Variants in DNAH2 observed in about 807,000 individuals in gnomAD.
The protein encoded by DNAH2 is dynein axonemal heavy chain 2.
DNAH2 carries 323 observed loss-of-function variants against 523.5 expected under a neutral mutation model. The ratio of observed to expected loss-of-function variants is 0.62; its 90% CI spans 0.56 to 0.68. DNAH2 has a LOEUF of 0.68. Ranked by LOEUF, DNAH2 falls within the 30% of genes least tolerant of loss-of-function variation. The probability of loss-of-function intolerance (pLI) is 0.00; values close to 1 mark genes in which losing one functional copy is unlikely to be tolerated. For synonymous variants in DNAH2, 2,093 were observed against 2,177.4 expected, an observed-to-expected ratio of 0.96 and a Z score of 1.08; for missense variants, 4,907 against 5,701.5, an observed-to-expected ratio of 0.86 and a Z score of 4.49.
At chr17:7,811,272 C>T (rs1243651225) in intron 63 of DNAH2, among the ~76,000 whole-genome samples, 1 of 152,158 alleles carries the variant, frequency 6.6e-6, no homozygotes, top group East Asian at 1.9e-4. Context: ...ACAGAAATTC[C>T]ACAAATTTGA....
chr17:7,832,341 C>G lies in DNAH2; in HGVS notation c.12727-238C>G, dbSNP rs755502737. On this transcript the variant is annotated intron_variant, in intron 82 of 85. Transcript: ENST00000572933. The surrounding 1 kb of genome is among the most constrained non-coding windows in gnomAD (Gnocchi z 4.3). ...TGGTCAACATGGTGAAACCCCGTCTCTACTAAAAAAATACAAAAATTAGCC... is the reference window on the plus strand; with the variant it reads ...TGGTCAACATGGTGAAACCCCGTCTGTACTAAAAAAATACAAAAATTAGCC... Among the ~76,000 whole-genome samples, 11 of 152,002 alleles carry G rather than the reference C, an allele frequency of 7.2e-5. No homozygotes were observed. The highest frequency in any genetic ancestry group is 1.5e-4 in the Non-Finnish European group (10 of 68,020).
intron 44 of DNAH2, among the ~76,000 whole-genome samples, chr17:7,789,156 A>C (rs965121811): frequency 1.4e-5 from 2 of 139,638 alleles, no homozygotes; most frequent in Non-Finnish European, 3.2e-5. Context: ...ACAGAGCAAG[A>C]CTCTGTCTCA....
At position 7,760,929 on chromosome 17, in the gene DNAH2, C is replaced by T. The variant is rs769401236; in HGVS notation, c.2975C>T (p.Ala992Val). Residue 992 changes from alanine (A) to valine (V), a missense_variant, in exon 18 of 86, where the codon GCC (alanine) becomes GTC (valine). By Grantham distance (64) the Ala-to-Val change is moderately conservative (BLOSUM62 0). Transcript: ENST00000572933. This position sits in a 1 kb window ranked among gnomAD's most constrained non-coding sequence, Gnocchi z 4.0. ...GTCTCTTCTTTTGTTGCCGACATTG[C>T]CCGGTGAGTGGTGAGGGTGGATTGA... ...PPVSSFVADIARYTEVANNVQ... is the reference protein window; with the variant it reads ...PPVSSFVADIVRYTEVANNVQ... 1.2e-6 allele frequency: 2 copies of T among 1,613,796 alleles called. No homozygotes were observed. The highest frequency in any genetic ancestry group is 1.7e-6 in the Non-Finnish European group (2 of 1,179,854).
At chr17:7,775,422 A>C in intron 30 of DNAH2, 80 bp downstream of exon 30, 1 of 1,366,810 alleles carries the variant, frequency 7.3e-7, no homozygotes, top group Non-Finnish European at 1.0e-6. Flanking sequence ...GCAGTGGCTC[A>C]CACTTGTAAT....
intron 12 of DNAH2, among the ~76,000 whole-genome samples, chr17:7,745,247 G>A (rs1411672885): frequency 6.6e-6 from 1 of 152,034 alleles, no homozygotes; most frequent in African/African-American, 2.4e-5. Flanking sequence ...TGGCCACCTC[G>A]GCCTCCCAAA....
rs1279270058 is a variant in DNAH2 at position 7,794,330 on chromosome 17, T to C, written c.7646T>C (p.Phe2549Ser). 3 of 1,610,064 alleles carry C rather than the reference T, an allele frequency of 1.9e-6. No homozygotes were observed. Among genetic ancestry groups the C allele is most frequent in the Non-Finnish European group, 2.5e-6 (3 of 1,178,340 alleles). The change falls in exon 49 of 86, where the codon TTC becomes TCC. Residue 2549 changes from phenylalanine to serine, a missense_variant. Physicochemically the swap from Phe to Ser is radical, Grantham distance 155. This residue lies in a region of DNAH2 where 250 missense variants were observed against 371.3 expected (regional missense o/e 0.67). Transcript: ENST00000572933. ...ATCTCCCCAAGGCTACGGAGTCGCT[T>C]CAACATTATCAACATGACCTTCCCC... ...TVISPRLRSR[F>S]NIINMTFPTK...
chr17:7,818,981 C>A lies in DNAH2; in HGVS notation c.10733C>A (p.Thr3578Asn). Reference sequence around the variant, plus strand: ...GTGCAGCTGGTGAACACGCTGCATACCTCCAAGATCACAGCCACAGAGGTG... The same window carrying A: ...GTGCAGCTGGTGAACACGCTGCATAACTCCAAGATCACAGCCACAGAGGTG... ...DDVQLVNTLH[T>N]SKITATEVTE... The change falls in exon 71 of 86, where the codon ACC becomes AAC. Residue 3578 changes from threonine (T) to asparagine (N), a missense_variant. Physicochemically the swap from Thr to Asn is moderately conservative, Grantham distance 65. Around this residue, in one of 3 missense-constraint regions of DNAH2, gnomAD observed 1,851 missense variants for 2,139.4 expected, o/e 0.87. Transcript: ENST00000572933. 6.2e-7 allele frequency: 1 copy of A among 1,611,888 alleles called. No individual in the cohort carries two copies. The highest frequency in any genetic ancestry group is 1.1e-5 in the South Asian group (1 of 91,080).
rs548793516 is a variant in DNAH2, at chr17:7,729,343, C to T, written c.399+2051C>T. On this transcript the variant is annotated intron_variant, in intron 4 of 85. Transcript: ENST00000572933. ...AAAGGATTACTTGAGCCCAGGAGTTCGAATCAATCCTGGGCAACATAGCAA... is the reference window on the plus strand; with the variant it reads ...AAAGGATTACTTGAGCCCAGGAGTTTGAATCAATCCTGGGCAACATAGCAA... Among the ~76,000 whole-genome samples the T allele has an allele frequency of 1.7e-3, 258 of 148,340 alleles. 3 individuals carry two copies. The highest frequency in any genetic ancestry group is 2.8e-3 in the Admixed American group (42 of 14,834).
In DNAH2 at chr17:7,791,988, T is replaced by C; in HGVS notation, c.6972T>C (p.Ser2324=). The part of the protein sequence containing the change: ...EMTFVFSMIW[S]VCASVDEEGR... ...CATTTGTGTTCAGCATGATCTGGTCTGTGTGTGCCTCTGTGGATGAGGAGG... is the reference window on the plus strand; with the variant it reads ...CATTTGTGTTCAGCATGATCTGGTCCGTGTGTGCCTCTGTGGATGAGGAGG... Residue 2324 remains serine, a synonymous_variant, in exon 45 of 86, where the codon TCT becomes TCC. Coordinates refer to ENST00000572933, the MANE Select transcript of DNAH2 (RefSeq NM_020877.5). 6.2e-7 allele frequency: 1 copy of C among 1,614,104 alleles called. No homozygotes were observed. The highest frequency in any genetic ancestry group is 8.5e-7 in the Non-Finnish European group (1 of 1,179,990).
rs1456287742 is a variant in DNAH2 at position 7,765,524 on chromosome 17, A to G, written c.3470A>G (p.Lys1157Arg). The G allele has an allele frequency of 6.2e-7, 1 of 1,614,186 alleles. No homozygotes were observed. The highest frequency in any genetic ancestry group is 2.2e-5 in the East Asian group (1 of 44,880). Residue 1157 changes from lysine to arginine, a missense_variant, in exon 21 of 86, where the codon AAG becomes AGG. By Grantham distance (26) the Lys-to-Arg change is conservative. Around this residue, in one of 3 missense-constraint regions of DNAH2, gnomAD observed 2,806 missense variants for 3,190.8 expected, o/e 0.88. Coordinates refer to ENST00000572933, the MANE Select transcript of DNAH2 (RefSeq NM_020877.5). ...TGLIHSADDF[K>R]KKAHTLLEDF... Reference sequence around the variant, plus strand: ...CTGATCCACTCGGCAGATGACTTCAAGAAGAAAGCACATACACTTCTGGAA... The same window carrying G: ...CTGATCCACTCGGCAGATGACTTCAGGAAGAAAGCACATACACTTCTGGAA...
chr17:7,770,145 T>A, intron 24 of DNAH2, 107 bp from the exon 25 acceptor site: 6 of 1,403,888 alleles, frequency 4.3e-6, no homozygotes, highest in Non-Finnish European at 5.7e-6. Flanking sequence ...GCAAAATGAG[T>A]TGAATCATGA....
chr17:7,767,686 C>A lies in DNAH2; in HGVS notation c.3676-214C>A, dbSNP rs139300728. On this transcript the variant is annotated intron_variant, in intron 22 of 85. Coordinates refer to ENST00000572933, the MANE Select transcript of DNAH2 (RefSeq NM_020877.5). ...CCCACTGAGGTTTTGATTTGCATTT[C>A]CCTAATGACTCATGACATTGAGGAT... Among the ~76,000 whole-genome samples the A allele has an allele frequency of 1.8e-3, 267 of 151,272 alleles. 1 individual carries two copies. Among genetic ancestry groups the A allele is most frequent in the Non-Finnish European group, 3.0e-3 (204 of 67,936 alleles).
Position 7,747,312 on chromosome 17 carries a change from C to G in DNAH2, c.1904+4170C>G, listed in dbSNP as rs556296566. 2.6e-5 allele frequency among the ~76,000 whole-genome samples: 4 copies of G among 152,164 alleles called. No individual in the cohort carries two copies. The East Asian group carries it at 7.7e-4, about 29-fold the overall frequency. On this transcript the variant is annotated intron_variant, in intron 12 of 85. Transcript: ENST00000572933. ...AAGGTTAACAATCTGTGTGGGGGATCTTTCATTCTGTATGTATAGAATTAC... is the reference window on the plus strand; with the variant it reads ...AAGGTTAACAATCTGTGTGGGGGATGTTTCATTCTGTATGTATAGAATTAC...
chr17:7,781,010 T>A lies in DNAH2; in HGVS notation c.6004-32T>A, dbSNP rs148103214. 250 of 1,613,516 alleles carry A rather than the reference T, an allele frequency of 1.5e-4. 2 individuals carry two copies. In the African/African-American group the frequency reaches 2.9e-3, roughly 19 times the overall value. ...GGTGAAAGGCCTAGGCCCTGCCTCC[T>A]CAAGCCTGAGTCTCTGTCTTTTCCC... On this transcript the variant is annotated intron_variant, in intron 38 of 85. Transcript: ENST00000572933.
chr17:7,775,976 G>T, intron 30 of DNAH2, 48 bp from the exon 31 acceptor site: 2 of 1,606,136 alleles, frequency 1.2e-6, no homozygotes, highest in Non-Finnish European at 8.5e-7. Context: ...GAGGACCTTG[G>T]CCGTGCCCCC....
Position 7,804,397 on chromosome 17 carries a change from C to T in DNAH2, c.9114C>T (p.Phe3038=), listed in dbSNP as rs1260549913. Residue 3038 remains phenylalanine, a synonymous_variant, in exon 59 of 86, where the codon TTC becomes TTT. Transcript: ENST00000572933. The stretch of plus-strand genomic sequence containing the variant: ...ATGCCAAGAAGAAGGTGGCTGAGTT[C>T]CAGAAGCAGTGTGAGGAGTACCTGG... ...LEDAKKKVAE[F]QKQCEEYLVI... is the part of the protein sequence containing the mutation. The T allele has an allele frequency of 6.2e-7, 1 of 1,613,984 alleles. No individual in the cohort carries two copies. The highest frequency in any genetic ancestry group is 8.5e-7 in the Non-Finnish European group (1 of 1,180,032).
chr17:7,723,180 C>T (rs887547368), intron 2 of DNAH2, among the ~76,000 whole-genome samples: 11 of 150,402 alleles, frequency 7.3e-5, no homozygotes, highest in African/African-American at 2.7e-4. Flanking sequence ...CCGTATTAGT[C>T]AGGATGGTCT....
intron 45 of DNAH2, 44 bp downstream of exon 45, chr17:7,792,113 ACCCCCTGGGCAT>A (rs1020629033): frequency 1.9e-6 from 3 of 1,607,018 alleles, no homozygotes; most frequent in Admixed American, 1.7e-5. Context: ...GTTTTTCCAG[ACCCCCTGGGCAT>A]CCCCCATCTC....
intron 39 of DNAH2, among the ~76,000 whole-genome samples, chr17:7,784,453 G>A (rs2076682295): frequency 6.6e-6 from 1 of 152,144 alleles, no homozygotes; most frequent in Admixed American, 6.6e-5. Context: ...CAAGGTGGGA[G>A]GATTACCTGA....
Sources: gnomAD v4.1 joint callset for allele counts (sites outside exome capture counted in the v4.1 genomes callset) on GRCh38, gnomAD v4.1.1 for gene constraint, gnomAD v4.1.1 regional missense constraint, Gnocchi (gnomAD v3.1) non-coding constraint, MANE v1.5 for transcripts, NCBI Gene and HGNC (gene_info 2026-07-23, HGNC 2026-07-21) for gene names.